The following UBE2D3 variants were observed in gnomAD, a reference collection of about 807,000 sequenced individuals.
The protein encoded by UBE2D3 is ubiquitin conjugating enzyme E2 D3, also known as ubiquitin-conjugating enzyme E2 D3.
In UBE2D3, 2 loss-of-function variants were observed where a neutral mutation model predicts 22.8. The observed-to-expected ratio is 0.09, with a 90% CI of 0.04 to 0.28. The LOEUF (loss-of-function observed/expected upper bound fraction) is 0.28, where lower values mean the gene tolerates loss of function less well. Ranked by LOEUF, UBE2D3 falls within the 10% of genes least tolerant of loss-of-function variation. The pLI is 1.00. For synonymous variants in UBE2D3, 56 were observed against 60.4 expected (o/e 0.93, Z 0.34); for missense variants, 27 against 182.5 (o/e 0.15, Z 4.91).
chr4:102,859,611 G>A (rs1347606964), intron 1 of UBE2D3, among the ~76,000 whole-genome samples: 2 of 151,790 alleles, frequency 1.3e-5, no homozygotes, highest in African/African-American at 2.4e-5. Context: ...CTTTAAATAA[G>A]CAATCTGCCT....
At chr4:102,857,114 A>G (rs1732661609) in intron 1 of UBE2D3, among the ~76,000 whole-genome samples, 1 of 152,180 alleles carries the variant, frequency 6.6e-6, no homozygotes, top group Non-Finnish European at 1.5e-5. Context: ...CTAATGCAGG[A>G]TATTAATAGG....
At chr4:102,803,140 A>G (rs1158023965) in intron 4 of UBE2D3, among the ~76,000 whole-genome samples, 2 of 152,250 alleles carry the variant, frequency 1.3e-5, no homozygotes, top group Non-Finnish European at 2.9e-5. Context: ...ATTTTAATCA[A>G]TACCAGAAAA....
At chr4:102,819,915 A>C (rs1294075808) in intron 2 of UBE2D3, among the ~76,000 whole-genome samples, 6 of 152,252 alleles carry the variant, frequency 3.9e-5, no homozygotes, top group Non-Finnish European at 8.8e-5. Context: ...GACAAGATTT[A>C]CATGACTCAA....
upstream of UBE2D3, chr4:102,828,272 C>T (rs893091441): frequency 1.5e-5 from 15 of 985,294 alleles, no homozygotes; most frequent in Middle Eastern, 5.2e-4. Context: ...TACCAGATAC[C>T]TTTAGTCTAG....
At chr4:102,832,204 G>A (rs1206600075), upstream of UBE2D3, among the ~76,000 whole-genome samples, 6 of 152,152 alleles carry the variant, frequency 3.9e-5, no homozygotes, top group East Asian at 1.2e-3. Context: ...TTGTGAGGGA[G>A]GCTCCTAGGA....
intron 2 of UBE2D3, among the ~76,000 whole-genome samples, 166 bp downstream of exon 2, chr4:102,826,319 A>C (rs1214792852): frequency 4.6e-5 from 7 of 152,158 alleles, no homozygotes; most frequent in African/African-American, 7.2e-5. Flanking sequence ...TCCTAGCTTT[A>C]AACTTCATTT....
rs201479057 is a variant in UBE2D3 at position 102,802,618 on chromosome 4, G to A, written c.141C>T (p.Gly47=). Reference sequence around the variant, plus strand: ...AATGAATTGTCAAAAAGAATACACCGCCTTGATATGGGCTGTCATTCTGTA... The same window carrying A: ...AATGAATTGTCAAAAAGAATACACCACCTTGATATGGGCTGTCATTCTGTA... ...IMGPNDSPYQ[G]GVFFLTIHFP... is the part of the protein sequence containing the mutation. Residue 47 remains glycine, a synonymous_variant, in exon 5 of 8, where the codon GGC becomes GGT. Transcript: ENST00000453744. 33 of 1,600,688 alleles carry A rather than the reference G, an allele frequency of 2.1e-5. No homozygotes were observed. Among genetic ancestry groups the A allele is most frequent in the East Asian group, 6.8e-5 (3 of 44,426 alleles).
chr4:102,804,458 C>T (rs1014760666), intron 4 of UBE2D3, among the ~76,000 whole-genome samples: 2 of 152,018 alleles, frequency 1.3e-5, no homozygotes, highest in Non-Finnish European at 2.9e-5. Context: ...GTGCCCAGTC[C>T]TTTTTCATAT....
intron 1 of UBE2D3, 144 bp downstream of exon 1, chr4:102,827,283 G>C (rs929825147): frequency 4.0e-5 from 38 of 956,312 alleles, no homozygotes; most frequent in Non-Finnish European, 4.5e-5. Context: ...GAGAGGCCGC[G>C]GCTTCCCCAA....
chr4:102,827,905 C>T (rs1241908360), upstream of UBE2D3: 3 of 985,534 alleles, frequency 3.0e-6, no homozygotes, highest in Non-Finnish European at 3.6e-6. Flanking sequence ...CGCGATCCAG[C>T]CCCACGCCCC....
At chr4:102,825,401 A>G (rs1730301889) in intron 2 of UBE2D3, 2 of 1,030,530 alleles carry the variant, frequency 1.9e-6, no homozygotes, top group Non-Finnish European at 2.3e-6. Context: ...GAATTTAGGT[A>G]AGTTTTGAGC....
At chr4:102,817,200 G>C (rs1183650988) in intron 2 of UBE2D3, among the ~76,000 whole-genome samples, 4 of 152,214 alleles carry the variant, frequency 2.6e-5, no homozygotes, top group South Asian at 2.1e-4. Flanking sequence ...GAGTACACCA[G>C]GAGAGTGGCA....
chr4:102,827,833 C>T (rs1313277956), upstream of UBE2D3: 6 of 985,888 alleles, frequency 6.1e-6, no homozygotes, highest in African/African-American at 1.7e-5. Context: ...AACCCTTAGG[C>T]TCAGAGAAGC....
intron 2 of UBE2D3, among the ~76,000 whole-genome samples, chr4:102,819,243 T>C (rs1009754709): frequency 2.0e-5 from 3 of 151,802 alleles, no homozygotes; most frequent in Admixed American, 6.6e-5. Flanking sequence ...GACAGGAGAA[T>C]TGCTTGAACC....
intron 4 of UBE2D3, among the ~76,000 whole-genome samples, chr4:102,804,809 G>T (rs1726774375): frequency 6.6e-6 from 1 of 152,128 alleles, no homozygotes; most frequent in Admixed American, 6.5e-5. Flanking sequence ...CGAGTAGCTG[G>T]AACTACAGGA....
In UBE2D3 at chr4:102,851,023, T is replaced by C. The variant is rs540238143; in HGVS notation, c.-129+17692A>G. Among the ~76,000 whole-genome samples, 23 of 152,212 alleles carry C rather than the reference T, an allele frequency of 1.5e-4. No individual in the cohort carries two copies. The South Asian group carries it at 4.1e-3, about 27-fold the overall frequency. On this transcript the variant is annotated intron_variant, in intron 1 of 7. Transcript: ENST00000338145. The stretch of plus-strand genomic sequence containing the variant: ...GACAGGTGCACCAGAATCTCAGAAA[T>C]CATCACTAAAGAACTTATCCATGTA...
At chr4:102,858,226 TA>T (rs1273860745) in intron 1 of UBE2D3, among the ~76,000 whole-genome samples, 1 of 151,988 alleles carries the variant, frequency 6.6e-6, no homozygotes, top group Admixed American at 6.6e-5. Flanking sequence ...TTGAAAATAG[TA>T]GTGGCTATTT....
At chr4:102,817,063 G>A (rs1008198886) in intron 2 of UBE2D3, among the ~76,000 whole-genome samples, 1 of 152,152 alleles carries the variant, frequency 6.6e-6, no homozygotes, top group African/African-American at 2.4e-5. Flanking sequence ...AAAATAAGCA[G>A]GCATTTACCA....
intron 1 of UBE2D3, among the ~76,000 whole-genome samples, chr4:102,856,797 A>G (rs1482585347): frequency 6.6e-6 from 1 of 152,194 alleles, no homozygotes; most frequent in Non-Finnish European, 1.5e-5. Flanking sequence ...ATTCACACAT[A>G]TGGCCCTACT....
Sources: gnomAD v4.1 joint callset for allele counts (sites outside exome capture counted in the v4.1 genomes callset) on GRCh38, gnomAD v4.1.1 for gene constraint, MANE v1.5 for transcripts, NCBI Gene and HGNC (gene_info 2026-07-23, HGNC 2026-07-21) for gene names.